AMOTL1: variants seen among roughly 807,000 people sequenced by gnomAD.
AMOTL1 encodes the protein angiomotin like 1.
AMOTL1 carries 45 observed loss-of-function variants against 102.9 expected under a neutral mutation model. That is an observed-to-expected ratio of 0.44 (90% CI 0.34 to 0.56). The LOEUF is 0.56. Ranked by LOEUF, AMOTL1 falls within the 20% of genes least tolerant of loss-of-function variation. The probability of loss-of-function intolerance (pLI) is 0.01; values close to 1 mark genes in which losing one functional copy is unlikely to be tolerated. For synonymous variants in AMOTL1, 481 were observed against 484.7 expected (o/e 0.99, Z 0.10); for missense variants, 1,114 against 1,225.6 (o/e 0.91, Z 1.36).
At chr11:94,778,097 T>G (rs763852496) in intron 1 of AMOTL1, among the ~76,000 whole-genome samples, 1 of 152,244 alleles carries the variant, frequency 6.6e-6, no homozygotes, top group Non-Finnish European at 1.5e-5. Flanking sequence ...GATTCATAAC[T>G]GTCTTTCAAG....
chr11:94,740,827 G>A, intron 2 of AMOTL1: 3 of 857,586 alleles, frequency 3.5e-6, no homozygotes, highest in Non-Finnish European at 3.4e-6. Context: ...CTGAGCGCTG[G>A]GAGAGAGAAG....
chr11:94,859,639 T>C lies in AMOTL1; in HGVS notation c.2059T>C (p.Trp687Arg), dbSNP rs764483556. ...ILALEADMTK[W>R]EQKYLEESTI... ...GGCCCTGGAGGCCGACATGACAAAG[T>C]GGGAGCAGAAGTACCTGGAGGAGAG... The change falls in exon 9 of 13, where the codon TGG becomes CGG. Residue 687 changes from tryptophan (W) to arginine (R), a missense_variant. Physicochemically the swap from Trp to Arg is moderately radical, Grantham distance 101 (BLOSUM62 -3). Transcript: ENST00000433060. 9.3e-6 allele frequency: 15 copies of C among 1,613,218 alleles called. No individual in the cohort carries two copies. In the South Asian group the frequency reaches 1.6e-4, roughly 18 times the overall value.
chr11:94,813,069 T>C (rs1243758266), intron 3 of AMOTL1, among the ~76,000 whole-genome samples: 1 of 152,234 alleles, frequency 6.6e-6, no homozygotes, highest in East Asian at 1.9e-4. Flanking sequence ...CACCTAGCCT[T>C]ATATTTTCCT....
At chr11:94,792,540 G>T (rs932384388) in intron 1 of AMOTL1, among the ~76,000 whole-genome samples, 1 of 152,212 alleles carries the variant, frequency 6.6e-6, no homozygotes, top group African/African-American at 2.4e-5. Context: ...TTGTCTCTTG[G>T]CTTTAGACGA....
At chr11:94,747,495 C>T (rs1950603320) in intron 3 of AMOTL1, among the ~76,000 whole-genome samples, 1 of 152,144 alleles carries the variant, frequency 6.6e-6, no homozygotes, top group African/African-American at 2.4e-5. Flanking sequence ...TATGCTGGGT[C>T]TTATTAGGAC....
Position 94,799,097 on chromosome 11 carries a change from T to G in AMOTL1, c.200-293T>G, listed in dbSNP as rs142369327. On this transcript the variant is annotated intron_variant, in intron 2 of 12. Transcript: ENST00000433060. The surrounding 1 kb of genome is among the most constrained non-coding windows in gnomAD (Gnocchi z 4.5). The stretch of plus-strand genomic sequence containing the variant: ...TTTAAATGGGAAAGACTTGGGTATA[T>G]TTATGTGATGAAGAGAAAGGACCGG... 6.6e-6 allele frequency among the ~76,000 whole-genome samples: 1 copy of G among 151,946 alleles called. No individual in the cohort carries two copies. The highest frequency in any genetic ancestry group is 1.5e-5 in the Non-Finnish European group (1 of 67,994).
chr11:94,790,453 G>A lies in AMOTL1; in HGVS notation c.50-4558G>A, dbSNP rs116410039. ...GGCATGGGGGATGGTGTTGAGAGGC[G>A]TTCTAGAGGCGGTAAACTGAAGAGG... On this transcript the variant is annotated intron_variant, in intron 1 of 12. Coordinates refer to ENST00000433060, the MANE Select transcript of AMOTL1 (RefSeq NM_130847.3). Among the ~76,000 whole-genome samples the A allele has an allele frequency of 7.2e-4, 109 of 152,234 alleles. 1 individual carries two copies. Among genetic ancestry groups the A allele is most frequent in the African/African-American group, 2.6e-3 (107 of 41,550 alleles).
In AMOTL1 at chr11:94,793,828, A is replaced by G. The variant is rs527247800; in HGVS notation, c.50-1183A>G. Among the ~76,000 whole-genome samples the G allele has an allele frequency of 4.6e-5, 7 of 152,380 alleles. No homozygotes were observed. In the South Asian group the frequency reaches 1.4e-3, roughly 32 times the overall value. The stretch of plus-strand genomic sequence containing the variant: ...GTTTATGTTCATCTTTAAAGTGGGC[A>G]TTACAACTACATTATTTTTAATTTA... On this transcript the variant is annotated intron_variant, in intron 1 of 12. Coordinates refer to ENST00000433060, the MANE Select transcript of AMOTL1 (RefSeq NM_130847.3).
At chr11:94,826,518 CTG>C (rs137892327) in intron 4 of AMOTL1, among the ~76,000 whole-genome samples, 2,049 of 152,256 alleles carry the variant, frequency 0.013, 51 homozygotes, top group African/African-American at 0.046. Flanking sequence ...GGCTTTTACG[CTG>C]TGTCACAACA....
At chr11:94,773,585 A>G (rs1050170170) in intron 1 of AMOTL1, among the ~76,000 whole-genome samples, 1 of 152,186 alleles carries the variant, frequency 6.6e-6, no homozygotes, top group Non-Finnish European at 1.5e-5. Context: ...GAGAGGGCTC[A>G]CTTTGGTCCA....
chr11:94,757,744 G>T (rs1009031173), intron 3 of AMOTL1, among the ~76,000 whole-genome samples: 2 of 152,086 alleles, frequency 1.3e-5, no homozygotes, highest in Admixed American at 1.3e-4. Context: ...CATCTTTCTT[G>T]TACCCATGAG....
intron 2 of AMOTL1, among the ~76,000 whole-genome samples, chr11:94,732,746 T>C (rs894972435): frequency 6.6e-6 from 1 of 152,274 alleles, no homozygotes; most frequent in African/African-American, 2.4e-5. Context: ...TTGGGAATCC[T>C]GCTGTCTGTC....
chr11:94,815,169 C>T (rs891073750), intron 3 of AMOTL1, among the ~76,000 whole-genome samples: 2 of 152,084 alleles, frequency 1.3e-5, no homozygotes, highest in African/African-American at 4.8e-5. Flanking sequence ...CGTTTAGATT[C>T]ATTGGTAAAG....
At chr11:94,808,971 T>TC (rs1951618808) in intron 3 of AMOTL1, among the ~76,000 whole-genome samples, 1 of 82,390 alleles carries the variant, frequency 1.2e-5, no homozygotes, top group Non-Finnish European at 2.5e-5. Flanking sequence ...CTTTCTTTTT[T>TC]TTTTTTTTTT....
intron 7 of AMOTL1, among the ~76,000 whole-genome samples, chr11:94,853,334 G>A (rs1374216961): frequency 6.7e-6 from 1 of 148,944 alleles, no homozygotes; most frequent in Non-Finnish European, 1.5e-5. Context: ...GGTATGTTTT[G>A]TTCCCCTCCC....
intron 2 of AMOTL1, among the ~76,000 whole-genome samples, chr11:94,732,934 G>A (rs978158643): frequency 6.6e-6 from 1 of 152,240 alleles, no homozygotes; most frequent in Non-Finnish European, 1.5e-5. Context: ...GCCTCTCAGG[G>A]TCAGGGAGAG....
chr11:94,786,092 A>G (rs1414694569), intron 1 of AMOTL1, among the ~76,000 whole-genome samples: 1 of 152,236 alleles, frequency 6.6e-6, no homozygotes, highest in Non-Finnish European at 1.5e-5. Flanking sequence ...GGGTTTATTT[A>G]TTAAAACTTA....
At chr11:94,836,277 T>C (rs1314738763) in intron 6 of AMOTL1, among the ~76,000 whole-genome samples, 6 of 152,228 alleles carry the variant, frequency 3.9e-5, no homozygotes. Context: ...AGGCTAGATG[T>C]TGTCACACGT....
At chr11:94,742,312 T>A (rs547797153) in intron 3 of AMOTL1, among the ~76,000 whole-genome samples, 1 of 152,230 alleles carries the variant, frequency 6.6e-6, no homozygotes, top group Non-Finnish European at 1.5e-5. Flanking sequence ...GCTCCACGCA[T>A]GTATAATTGT....
Sources: gnomAD v4.1 joint callset for allele counts (sites outside exome capture counted in the v4.1 genomes callset) on GRCh38, gnomAD v4.1.1 for gene constraint, Gnocchi (gnomAD v3.1) non-coding constraint, MANE v1.5 for transcripts, NCBI Gene and HGNC (gene_info 2026-07-23, HGNC 2026-07-21) for gene names.